Variants in RAD51B observed in about 807,000 individuals in gnomAD.
The protein encoded by RAD51B is DNA repair protein RAD51 homolog 2.
RAD51B carries 38 observed loss-of-function variants against 42.2 expected under a neutral mutation model. That is an observed-to-expected ratio of 0.90 (90% confidence interval 0.70 to 1.18). The LOEUF (loss-of-function observed/expected upper bound fraction) is 1.18. Among genes scored for constraint, RAD51B ranks in the 50% most tolerant of loss-of-function variants. RAD51B has a pLI of 0.00. For missense variants in RAD51B, 373 were observed against 400.7 expected, an observed-to-expected ratio of 0.93 and a Z score of 0.59; for synonymous variants, 154 against 145.2, an observed-to-expected ratio of 1.06 and a Z score of -0.43.
In RAD51B at chr14:68,162,245, T is replaced by G. The variant is rs562447623; in HGVS notation, c.757-129639T>G. On this transcript the variant is annotated intron_variant, in intron 7 of 10. Coordinates refer to ENST00000471583, the MANE Select transcript of RAD51B (RefSeq NM_133510.4). ...ACTTTAGAATATTGAATTATCTTGG[T>G]TAGTGAGTAAATTGCAATAGAACGT... Among the ~76,000 whole-genome samples the G allele has an allele frequency of 5.3e-5, 8 of 152,318 alleles. No individual in the cohort carries two copies. In the East Asian group the frequency reaches 1.5e-3, roughly 29 times the overall value.
chr14:68,214,788 G>A (rs566162190), intron 7 of RAD51B, among the ~76,000 whole-genome samples: 45 of 152,302 alleles, frequency 3.0e-4, no homozygotes, highest in Middle Eastern at 6.8e-3. Context: ...AATACAGCTC[G>A]TGTCCTTCCC....
chr14:68,268,488 TA>T (rs889621443), intron 7 of RAD51B, among the ~76,000 whole-genome samples: 1 of 152,200 alleles, frequency 6.6e-6, no homozygotes, highest in African/African-American at 2.4e-5. Flanking sequence ...CTTTGTCTTA[TA>T]GGGGGTAATA....
intron 10 of RAD51B, among the ~76,000 whole-genome samples, chr14:68,553,214 T>C (rs529801016): frequency 6.6e-6 from 1 of 152,340 alleles, no homozygotes; most frequent in Non-Finnish European, 1.5e-5. Flanking sequence ...GTTGAACATA[T>C]GGTAGCTTCC....
chr14:68,682,411 C>A (rs929377136), intron 11 of RAD51B, among the ~76,000 whole-genome samples: 7 of 152,232 alleles, frequency 4.6e-5, no homozygotes, highest in Non-Finnish European at 8.8e-5. Context: ...CCCAAAAGTT[C>A]TCTGGAAAGC....
At chr14:67,859,674 T>G (rs561053853) in intron 4 of RAD51B, among the ~76,000 whole-genome samples, 8 of 152,300 alleles carry the variant, frequency 5.3e-5, no homozygotes, top group African/African-American at 1.7e-4. Flanking sequence ...AAAAATGTCA[T>G]TAAAATAAAT....
At chr14:68,327,952 C>T (rs956726238) in intron 8 of RAD51B, among the ~76,000 whole-genome samples, 2 of 152,138 alleles carry the variant, frequency 1.3e-5, no homozygotes, top group Admixed American at 1.3e-4. Flanking sequence ...GCAAGAAACC[C>T]TTTAAATCAC....
At chr14:68,646,657 A>G (rs1300417295) in intron 10 of RAD51B, among the ~76,000 whole-genome samples, 1 of 152,154 alleles carries the variant, frequency 6.6e-6, no homozygotes, top group Non-Finnish European at 1.5e-5. Flanking sequence ...ACATATATCT[A>G]TTCACCTGTA....
intron 7 of RAD51B, among the ~76,000 whole-genome samples, chr14:68,039,109 A>G (rs1217219185): frequency 6.6e-6 from 1 of 152,126 alleles, no homozygotes; most frequent in Non-Finnish European, 1.5e-5. Flanking sequence ...AAGTGATGGA[A>G]AAAATGTTAA....
intron 10 of RAD51B, chr14:68,563,158 T>A (rs2140023075): frequency 1.0e-6 from 1 of 985,458 alleles, no homozygotes; most frequent in Admixed American, 6.1e-5. Context: ...AGAGAAGTTC[T>A]TTATTTCCCT....
chr14:68,229,039 A>C (rs193243116), intron 7 of RAD51B, among the ~76,000 whole-genome samples: 36 of 152,296 alleles, frequency 2.4e-4, no homozygotes, highest in Middle Eastern at 3.4e-3. Flanking sequence ...ACTTTTTACC[A>C]TGTCTAAAAA....
At chr14:67,956,221 C>T (rs562759550) in intron 7 of RAD51B, among the ~76,000 whole-genome samples, 155 of 152,164 alleles carry the variant, frequency 1.0e-3, no homozygotes, top group South Asian at 2.1e-3. Context: ...AGTATCTGGC[C>T]GGGTGTGGTG....
chr14:67,920,583 A>T (rs1456343128), intron 7 of RAD51B, among the ~76,000 whole-genome samples: 1 of 152,230 alleles, frequency 6.6e-6, no homozygotes. Context: ...ATCTAAATGC[A>T]TATTATTATT....
intron 7 of RAD51B, among the ~76,000 whole-genome samples, chr14:68,207,345 C>T (rs904711018): frequency 6.6e-6 from 1 of 152,192 alleles, no homozygotes; most frequent in African/African-American, 2.4e-5. Flanking sequence ...AGGTTTCTTA[C>T]TTGCCCAATT....
intron 7 of RAD51B, among the ~76,000 whole-genome samples, chr14:68,023,027 C>T (rs1191733346): frequency 6.6e-6 from 1 of 151,974 alleles, no homozygotes; most frequent in Non-Finnish European, 1.5e-5. Context: ...ATATATGCAC[C>T]CCATTTTCTT....
chr14:68,272,220 A>G (rs1006327038), intron 7 of RAD51B, among the ~76,000 whole-genome samples: 1 of 152,106 alleles, frequency 6.6e-6, no homozygotes, highest in Non-Finnish European at 1.5e-5. Flanking sequence ...AGGGGAGATT[A>G]TAATGTCTCA....
intron 7 of RAD51B, among the ~76,000 whole-genome samples, chr14:68,274,843 G>A (rs2081189330): frequency 6.6e-6 from 1 of 152,166 alleles, no homozygotes; most frequent in Admixed American, 6.5e-5. Flanking sequence ...TAAACTGGTG[G>A]TTGCTGCTAA....
intron 11 of RAD51B, among the ~76,000 whole-genome samples, chr14:68,660,022 G>A (rs1892900780): frequency 6.6e-6 from 1 of 152,206 alleles, no homozygotes; most frequent in Non-Finnish European, 1.5e-5. Context: ...TCCTATTGAT[G>A]TCAGTAGCTT....
At position 68,128,565 on chromosome 14, in the gene RAD51B, G is replaced by C. The variant is rs10873212; in HGVS notation, c.757-163319G>C. 3.9e-5 allele frequency among the ~76,000 whole-genome samples: 6 copies of C among 152,104 alleles called. No individual in the cohort carries two copies. The East Asian group carries it at 7.7e-4, about 20-fold the overall frequency. ...AAAATAGCTGGGTGTGGTGTTACAC[G>C]CCTGTAGCCCCAGCTACACGGGAGG... On this transcript the variant is annotated intron_variant, in intron 7 of 10. Transcript: ENST00000471583.
intron 8 of RAD51B, chr14:68,339,268 C>G (rs2082523946): frequency 5.0e-6 from 5 of 991,054 alleles, no homozygotes; most frequent in Non-Finnish European, 7.7e-6. Context: ...GTTTGGTGGT[C>G]CAGGGCCTGG....
Sources: allele counts gnomAD v4.1 joint callset (sites outside exome capture counted in the v4.1 genomes callset), GRCh38; gene constraint gnomAD v4.1.1; transcripts MANE v1.5; gene names NCBI Gene and HGNC (gene_info 2026-07-23, HGNC 2026-07-21).